FOXP4: variants seen among roughly 807,000 people sequenced by gnomAD.
FOXP4 encodes the protein forkhead box P4.
Under a neutral mutation model 82.6 loss-of-function variants are expected in FOXP4, and 25 were observed. That is an observed-to-expected ratio of 0.30 (90% CI 0.22 to 0.42). The LOEUF (loss-of-function observed/expected upper bound fraction) is 0.42. FOXP4 is among the 10% of genes least tolerant of loss of function. The pLI is 1.00. For missense variants in FOXP4, 785 were observed against 900.9 expected (o/e 0.87, Z 1.65); for synonymous variants, 415 against 388.2 (o/e 1.07, Z -0.81).
Position 41,591,987 on chromosome 6 carries a change from AG to A in FOXP4, c.1536+671del, listed in dbSNP as rs1203104771. Reference sequence around the variant, plus strand: ...GGCCATTTATTTTTCTATAGCCAAAAGGGGGGTGTGTGTGTGTGTCTGTCTG... The same window carrying A: ...GGCCATTTATTTTTCTATAGCCAAAAGGGGGTGTGTGTGTGTGTCTGTCTG... On this transcript the variant is annotated intron_variant, in intron 13 of 16. Coordinates refer to ENST00000307972, the MANE Select transcript of FOXP4 (RefSeq NM_001012426.2). This position sits in a 1 kb window ranked among gnomAD's most constrained non-coding sequence, Gnocchi z 4.2. Among the ~76,000 whole-genome samples the A allele has an allele frequency of 6.8e-6, 1 of 147,620 alleles. No homozygotes were observed. Among genetic ancestry groups the A allele is most frequent in the South Asian group, 2.2e-4 (1 of 4,456 alleles).
At chr6:41,555,362 G>A (rs1310076423) in intron 1 of FOXP4, among the ~76,000 whole-genome samples, 2 of 152,204 alleles carry the variant, frequency 1.3e-5, no homozygotes, top group Non-Finnish European at 2.9e-5. Flanking sequence ...GTTTCAAGAT[G>A]AAATCAGCGC....
chr6:41,548,512 G>T (rs3747743), intron 1 of FOXP4: 4,792 of 152,512 alleles, frequency 0.031, 259 homozygotes, highest in East Asian at 0.16. Flanking sequence ...TGGCCCGAGT[G>T]CCCGCAGAAA....
At chr6:41,565,309 G>A (rs1178840820) in intron 1 of FOXP4, among the ~76,000 whole-genome samples, 4 of 152,164 alleles carry the variant, frequency 2.6e-5, no homozygotes, top group South Asian at 2.1e-4. Flanking sequence ...GCAGTGAGCC[G>A]AGATCGCACC....
Position 41,565,314 on chromosome 6 carries a change from C to T in FOXP4, c.-16-431C>T, listed in dbSNP as rs191401119. 3.5e-4 allele frequency among the ~76,000 whole-genome samples: 54 copies of T among 152,214 alleles called. No individual in the cohort carries two copies. In the Middle Eastern group the frequency reaches 0.01, roughly 29 times the overall value. On this transcript the variant is annotated intron_variant, in intron 1 of 16. Transcript: ENST00000307972. ...GGCGGAGGCTGCAGTGAGCCGAGAT[C>T]GCACCACTGCACTCTAGCCTGGGCA...
In FOXP4 at chr6:41,599,049, G is replaced by C. The variant is rs1767063563; in HGVS notation, c.*113G>C. On this transcript the variant is annotated 3_prime_UTR_variant, in exon 17 of 17. Transcript: ENST00000307972. ...AGCCTCAAGGCAAGTCCAGGACTCAGACCGGGGAGGCCCGGGCCAGCAGCT... is the reference window on the plus strand; with the variant it reads ...AGCCTCAAGGCAAGTCCAGGACTCACACCGGGGAGGCCCGGGCCAGCAGCT... The C allele has an allele frequency of 3.6e-6, 5 of 1,396,216 alleles. No individual in the cohort carries two copies. In the East Asian group the frequency reaches 1.3e-4, roughly 35 times the overall value. The allele number at this position is 1,396,216 out of a possible 1,614,324, so 86.5% of individuals were successfully genotyped here. A position where few individuals can be genotyped will look rare whatever the true frequency, so the allele number is the denominator to read the frequency against.
chr6:41,590,004 C>T lies in FOXP4; in HGVS notation c.1191C>T (p.Thr397=), dbSNP rs748674684. ...VPGSSSFSKV[T]VSAADSFPDG... ...GCTCCTCCTCATTCTCCAAGGTGAC[C>T]GTCTCTGCAGCAGACTCATTCCCAG... The change falls in exon 11 of 17, where the codon ACC becomes ACT. Residue 397 remains threonine (T), a synonymous_variant. Transcript: ENST00000307972. The T allele has an allele frequency of 1.6e-5, 26 of 1,613,830 alleles. No individual in the cohort carries two copies. The highest frequency in any genetic ancestry group is 1.1e-4 in the African/African-American group (8 of 74,896).
chr6:41,581,689 T>A (rs569468580), intron 3 of FOXP4, among the ~76,000 whole-genome samples: 1 of 152,336 alleles, frequency 6.6e-6, no homozygotes, highest in South Asian at 2.1e-4. Flanking sequence ...CGGCAGCCAC[T>A]TCCCAGACCC....
At chr6:41,586,794 G>A (rs1030237080) in intron 5 of FOXP4, among the ~76,000 whole-genome samples, 1 of 151,592 alleles carries the variant, frequency 6.6e-6, no homozygotes, top group African/African-American at 2.4e-5. Context: ...GTTTGCGCGC[G>A]TGCGTGCGTG....
chr6:41,586,936 G>A (rs1349281264), intron 5 of FOXP4, 73 bp from the exon 6 acceptor site: 8 of 1,489,120 alleles, frequency 5.4e-6, no homozygotes, highest in East Asian at 4.7e-5. Context: ...GGGTGGCCGC[G>A]GGGTGGGGGC....
At chr6:41,597,729 T>C (rs1186923335) in intron 15 of FOXP4, 52 bp from the exon 16 acceptor site, 4 of 1,576,582 alleles carry the variant, frequency 2.5e-6, no homozygotes, top group East Asian at 2.3e-5. Flanking sequence ...CTTGACTGAG[T>C]GTGCCCCATC....
chr6:41,564,769 G>C (rs1764781435), intron 1 of FOXP4, among the ~76,000 whole-genome samples: 2 of 151,884 alleles, frequency 1.3e-5, no homozygotes, highest in African/African-American at 4.9e-5. Context: ...TTTTGACCAG[G>C]TGCTAGGCTG....
At chr6:41,569,510 A>G (rs1167642604) in intron 2 of FOXP4, among the ~76,000 whole-genome samples, 1 of 152,230 alleles carries the variant, frequency 6.6e-6, no homozygotes, top group African/African-American at 2.4e-5. Flanking sequence ...GGACCCCACA[A>G]ATACCCTTAG....
At chr6:41,590,201 A>G (rs558499313) in intron 11 of FOXP4, 31 bp downstream of exon 11, 5 of 1,606,722 alleles carry the variant, frequency 3.1e-6, no homozygotes, top group East Asian at 2.2e-5. Flanking sequence ...GCAGGGCGAC[A>G]GCAGCGTGAG....
intron 16 of FOXP4, among the ~76,000 whole-genome samples, chr6:41,598,181 T>C (rs1215164583): frequency 6.6e-6 from 1 of 150,632 alleles, no homozygotes; most frequent in Admixed American, 6.6e-5. Flanking sequence ...CCTCCCCATT[T>C]TCCCCCTTTC....
At chr6:41,564,251 C>G (rs1051019136) in intron 1 of FOXP4, among the ~76,000 whole-genome samples, 1 of 152,172 alleles carries the variant, frequency 6.6e-6, no homozygotes, top group East Asian at 1.9e-4. Flanking sequence ...GCCAGGAGTT[C>G]GAGACCAGCC....
At chr6:41,590,552 C>T (rs572338071) in intron 12 of FOXP4, among the ~76,000 whole-genome samples, 1 of 152,286 alleles carries the variant, frequency 6.6e-6, no homozygotes, top group South Asian at 2.1e-4. Flanking sequence ...TTATGTGTCT[C>T]TGGGGGTGCA....
At chr6:41,579,781 T>C (rs1169724994) in intron 3 of FOXP4, among the ~76,000 whole-genome samples, 1 of 152,158 alleles carries the variant, frequency 6.6e-6, no homozygotes, top group East Asian at 1.9e-4. Context: ...CATTGATTGA[T>C]TCATTCATTC....
At chr6:41,565,717 C>T (rs1764834831) in intron 1 of FOXP4, 28 bp from the exon 2 acceptor site, 34 of 1,551,900 alleles carry the variant, frequency 2.2e-5, no homozygotes, top group Non-Finnish European at 3.0e-5. Flanking sequence ...GCCTCAGCCT[C>T]TCCCCTGTGT....
intron 1 of FOXP4, among the ~76,000 whole-genome samples, chr6:41,552,422 G>A (rs1020462773): frequency 6.6e-6 from 1 of 152,168 alleles, no homozygotes; most frequent in Non-Finnish European, 1.5e-5. Context: ...TGGAGAAGCT[G>A]GATGGTCAGG....
Sources: allele counts gnomAD v4.1 joint callset (sites outside exome capture counted in the v4.1 genomes callset), GRCh38; gene constraint gnomAD v4.1.1; non-coding constraint Gnocchi (gnomAD v3.1); transcripts MANE v1.5; gene names NCBI Gene and HGNC (gene_info 2026-07-23, HGNC 2026-07-21).